GNAO1: variants seen among roughly 807,000 people sequenced by gnomAD.
GNAO1 encodes the protein G protein subunit alpha o1.
For missense variants in GNAO1, 166 were observed against 478.7 expected (o/e 0.35, Z 6.10); for synonymous variants, 164 against 180.7 (o/e 0.91, Z 0.74).
At chr16:56,341,110 T>G (rs1214792436) in intron 6 of GNAO1, 12 of 749,166 alleles carry the variant, frequency 1.6e-5, no homozygotes, top group Non-Finnish European at 2.7e-5. Flanking sequence ...ACACAAACGG[T>G]CCCCCACCCT....
intron 2 of GNAO1, among the ~76,000 whole-genome samples, chr16:56,210,652 A>G (rs2036377595): frequency 6.6e-6 from 1 of 152,122 alleles, no homozygotes; most frequent in South Asian, 2.1e-4. Context: ...AGAAATTTGG[A>G]TTTCTCTAAT....
intron 3 of GNAO1, among the ~76,000 whole-genome samples, chr16:56,277,818 C>G (rs1182282610): frequency 1.4e-5 from 2 of 145,712 alleles, no homozygotes; most frequent in African/African-American, 5.2e-5. Context: ...CACACACACA[C>G]ACACACACAC....
intron 5 of GNAO1, chr16:56,336,354 T>G: frequency 5.6e-6 from 1 of 179,756 alleles, no homozygotes; most frequent in Admixed American, 5.5e-5. Context: ...TGGTTTGGAG[T>G]TTGCCCAGAG....
At chr16:56,325,875 G>A (rs559011696) in intron 3 of GNAO1, among the ~76,000 whole-genome samples, 11 of 152,316 alleles carry the variant, frequency 7.2e-5, no homozygotes, top group African/African-American at 2.6e-4. Context: ...TCTTCTTCAT[G>A]GGTTGGGGGA....
intron 2 of GNAO1, among the ~76,000 whole-genome samples, chr16:56,274,469 A>G (rs773271214): frequency 1.4e-4 from 21 of 152,366 alleles, no homozygotes; most frequent in Admixed American, 2.6e-4. Flanking sequence ...TTCAGGGTGA[A>G]GACCCGCAAA....
chr16:56,208,261 T>G (rs1366403565), intron 2 of GNAO1, among the ~76,000 whole-genome samples: 1 of 152,236 alleles, frequency 6.6e-6, no homozygotes, highest in Non-Finnish European at 1.5e-5. Flanking sequence ...TAGTGAATAT[T>G]CATGAATATG....
intron 6 of GNAO1, among the ~76,000 whole-genome samples, chr16:56,338,094 G>T (rs2037760530): frequency 6.6e-6 from 1 of 152,194 alleles, no homozygotes; most frequent in Non-Finnish European, 1.5e-5. Context: ...TTGTGAGGAT[G>T]GGATCAACTT....
intron 2 of GNAO1, among the ~76,000 whole-genome samples, chr16:56,225,740 G>T: frequency 6.6e-6 from 1 of 152,046 alleles, no homozygotes; most frequent in Non-Finnish European, 1.5e-5. Flanking sequence ...CTAGTCACTG[G>T]GGACATACCT....
intron 2 of GNAO1, among the ~76,000 whole-genome samples, chr16:56,256,391 A>G (rs1420724272): frequency 2.0e-5 from 3 of 151,912 alleles, no homozygotes; most frequent in African/African-American, 7.3e-5. Flanking sequence ...CACACACACT[A>G]GGGATCCACT....
Position 56,341,138 on chromosome 16 carries a change from T to C in GNAO1, c.723+4278T>C, listed in dbSNP as rs573138182. ...CCCACCCTGCCCCCAGATTGTGCTCTAGAGAGGAGGGGCAGCTAGCCGGGG... is the reference window on the plus strand; with the variant it reads ...CCCACCCTGCCCCCAGATTGTGCTCCAGAGAGGAGGGGCAGCTAGCCGGGG... On this transcript the variant is annotated intron_variant, in intron 6 of 8. Transcript: ENST00000262493. The C allele has an allele frequency of 7.0e-4, 479 of 682,154 alleles. 3 individuals are homozygous for C. In the Middle Eastern group the frequency reaches 7.2e-3, roughly 10 times the overall value. The allele number at this position is 682,154 out of a possible 1,614,324, so 42.3% of individuals were successfully genotyped here.
intron 3 of GNAO1, among the ~76,000 whole-genome samples, chr16:56,328,055 C>T (rs868574907): frequency 9.2e-5 from 14 of 152,206 alleles, no homozygotes; most frequent in African/African-American, 3.4e-4. Flanking sequence ...CCTCCCCTCC[C>T]CCAGTCCTGA....
At chr16:56,257,205 AGCCCATTTATTCT>A (rs1282898963) in intron 2 of GNAO1, among the ~76,000 whole-genome samples, 1 of 151,996 alleles carries the variant, frequency 6.6e-6, no homozygotes. Context: ...TTCAGTTAGG[AGCCCATTTATTCT>A]GCCCTGCCTA....
At chr16:56,242,378 G>A (rs1282056135) in intron 2 of GNAO1, among the ~76,000 whole-genome samples, 1 of 152,142 alleles carries the variant, frequency 6.6e-6, no homozygotes, top group African/African-American at 2.4e-5. Flanking sequence ...AATCCTGAAA[G>A]AGAAGAATAA....
intron 6 of GNAO1, chr16:56,346,757 G>A (rs2037874332): frequency 2.0e-6 from 2 of 985,500 alleles, no homozygotes; most frequent in Non-Finnish European, 2.4e-6. Flanking sequence ...CCACTGGCAG[G>A]AACTGGACAC....
intron 3 of GNAO1, among the ~76,000 whole-genome samples, chr16:56,289,151 G>A (rs901909618): frequency 2.0e-5 from 3 of 152,354 alleles, no homozygotes; most frequent in South Asian, 2.1e-4. Context: ...CCGCTGGGCT[G>A]TTAGCAGCAA....
intron 2 of GNAO1, chr16:56,271,131 A>G (rs546214444): frequency 6.6e-6 from 1 of 152,216 alleles, no homozygotes; most frequent in Non-Finnish European, 1.5e-5. Flanking sequence ...GTGAGTTCCA[A>G]TGCTTGTTTT....
intron 2 of GNAO1, among the ~76,000 whole-genome samples, chr16:56,210,732 G>A (rs147689482): frequency 6.6e-6 from 1 of 152,332 alleles, no homozygotes; most frequent in East Asian, 1.9e-4. Flanking sequence ...TGAGGTGTCT[G>A]TTAAGGGCTT....
At chr16:56,283,929 G>T (rs566568450) in intron 3 of GNAO1, among the ~76,000 whole-genome samples, 2 of 152,222 alleles carry the variant, frequency 1.3e-5, no homozygotes, top group Non-Finnish European at 2.9e-5. Flanking sequence ...GTTTCATCTG[G>T]TCCAAACTGG....
At chr16:56,332,366 CGAG>C (rs1462531732) in intron 4 of GNAO1, among the ~76,000 whole-genome samples, 1 of 152,146 alleles carries the variant, frequency 6.6e-6, no homozygotes, top group Non-Finnish European at 1.5e-5. Flanking sequence ...CTGGGCCACT[CGAG>C]GCCCACTTGC....
Sources: allele counts gnomAD v4.1 joint callset (sites outside exome capture counted in the v4.1 genomes callset), GRCh38; gene constraint gnomAD v4.1.1; transcripts MANE v1.5; gene names NCBI Gene and HGNC (gene_info 2026-07-23, HGNC 2026-07-21).